The following PPFIA2 variants were observed in gnomAD, a reference collection of about 807,000 sequenced individuals.
PPFIA2 encodes PPFI scaffold protein A2.
In PPFIA2, 46 loss-of-function variants were observed where a neutral mutation model predicts 175.5. The ratio of observed to expected loss-of-function variants is 0.26; its 90% CI spans 0.21 to 0.34. The LOEUF (loss-of-function observed/expected upper bound fraction) is 0.34. PPFIA2 is among the 10% of genes least tolerant of loss of function. PPFIA2 has a pLI of 1.00. For missense variants in PPFIA2, 1,179 were observed against 1,506.1 expected, an observed-to-expected ratio of 0.78 and a Z score of 3.60; for synonymous variants, 568 against 511.4, an observed-to-expected ratio of 1.11 and a Z score of -1.49.
At position 81,330,817 on chromosome 12, in the gene PPFIA2, T is replaced by A. The variant is rs559240995; in HGVS notation, c.2549-4947A>T. Among the ~76,000 whole-genome samples the A allele has an allele frequency of 8.5e-5, 13 of 152,358 alleles. No homozygotes were observed. In the South Asian group the frequency reaches 2.5e-3, roughly 29 times the overall value. On this transcript the variant is annotated intron_variant, in intron 21 of 32. Coordinates refer to ENST00000549396, the MANE Select transcript of PPFIA2 (RefSeq NM_003625.5). Reference sequence around the variant, plus strand: ...TGGTTTGTATTAAAACACATTTGAATTTATAAATTGTTACTTAATTGTTCA... The same window carrying A: ...TGGTTTGTATTAAAACACATTTGAAATTATAAATTGTTACTTAATTGTTCA...
At chr12:81,379,958 T>C (rs2037270678) in intron 9 of PPFIA2, among the ~76,000 whole-genome samples, 1 of 152,220 alleles carries the variant, frequency 6.6e-6, no homozygotes, top group Admixed American at 6.5e-5. Context: ...TTGTTTTTTC[T>C]TATTTCCTAA....
At position 81,727,762 on chromosome 12, in the gene PPFIA2, G is replaced by T. The variant is rs992663650; in HGVS notation, c.249+26211C>A. On this transcript the variant is annotated intron_variant, in intron 3 of 32. Coordinates refer to ENST00000549396, the MANE Select transcript of PPFIA2 (RefSeq NM_003625.5). ...TTTTTTCTTTTTATGAAACTTTCAG[G>T]TGATCCTGATGTAAGAGATTTATAT... Among the ~76,000 whole-genome samples the T allele has an allele frequency of 4.0e-5, 6 of 151,444 alleles. No individual in the cohort carries two copies. The East Asian group carries it at 1.2e-3, about 30-fold the overall frequency.
intron 4 of PPFIA2, among the ~76,000 whole-genome samples, chr12:81,672,430 C>G (rs2071597582): frequency 6.6e-6 from 1 of 151,686 alleles, no homozygotes; most frequent in Non-Finnish European, 1.5e-5. Context: ...TTGCTAAGGA[C>G]CATCAGGAAG....
chr12:81,700,114 G>C (rs2076328633), intron 3 of PPFIA2, among the ~76,000 whole-genome samples: 1 of 151,882 alleles, frequency 6.6e-6, no homozygotes, highest in South Asian at 2.1e-4. Flanking sequence ...CCCCTGAAAT[G>C]GTGGTGTTCT....
chr12:81,662,066 T>C (rs1949960887), intron 4 of PPFIA2, among the ~76,000 whole-genome samples: 1 of 151,704 alleles, frequency 6.6e-6, no homozygotes, highest in African/African-American at 2.4e-5. Context: ...AGAGGGAAAT[T>C]TATAGCACTA....
chr12:81,690,716 C>T (rs935752757), intron 3 of PPFIA2, among the ~76,000 whole-genome samples: 2 of 152,044 alleles, frequency 1.3e-5, no homozygotes, highest in Non-Finnish European at 2.9e-5. Flanking sequence ...TAAAATAACA[C>T]AAATTTATTA....
chr12:81,336,915 G>A (rs2057223399), intron 21 of PPFIA2, among the ~76,000 whole-genome samples: 1 of 152,048 alleles, frequency 6.6e-6, no homozygotes, highest in Admixed American at 6.6e-5. Flanking sequence ...TTTTCCCTAG[G>A]TTCCTCAGAT....
At chr12:81,601,084 A>G in intron 4 of PPFIA2, among the ~76,000 whole-genome samples, 1 of 151,952 alleles carries the variant, frequency 6.6e-6, no homozygotes, top group South Asian at 2.1e-4. Context: ...TCCAGCCAAT[A>G]AGAATACACT....
At chr12:81,263,147 T>G in intron 31 of PPFIA2, 84 bp downstream of exon 31, 5 of 1,328,908 alleles carry the variant, frequency 3.8e-6, no homozygotes, top group Non-Finnish European at 5.1e-6. Flanking sequence ...AGAAAATAAT[T>G]CCAAAAAGCA....
chr12:81,315,246 T>C (rs1362469562), intron 22 of PPFIA2, among the ~76,000 whole-genome samples: 1 of 151,866 alleles, frequency 6.6e-6, no homozygotes, highest in East Asian at 1.9e-4. Flanking sequence ...AATGCTGAAT[T>C]TCACAATGAA....
chr12:81,579,582 A>G (rs140314524), intron 4 of PPFIA2, among the ~76,000 whole-genome samples: 1,812 of 151,956 alleles, frequency 0.012, 42 homozygotes, highest in East Asian at 0.041. Context: ...TTCATGTGAA[A>G]AAAGTAGTTT....
At chr12:81,568,462 G>A (rs1010149936) in intron 4 of PPFIA2, among the ~76,000 whole-genome samples, 2 of 152,132 alleles carry the variant, frequency 1.3e-5, no homozygotes, top group African/African-American at 4.8e-5. Flanking sequence ...TAAGCCCCTA[G>A]CTCTATAGAG....
At chr12:81,362,815 C>A in intron 14 of PPFIA2, 31 bp from the exon 15 acceptor site, 1 of 1,302,996 alleles carries the variant, frequency 7.7e-7, no homozygotes. Flanking sequence ...TACTCAGATG[C>A]CAGTAATATC....
chr12:81,690,056 A>G (rs1342848944), intron 3 of PPFIA2, among the ~76,000 whole-genome samples: 3 of 152,096 alleles, frequency 2.0e-5, no homozygotes, highest in Non-Finnish European at 4.4e-5. Context: ...TCTGGTATGT[A>G]CTGGTTTCAG....
intron 4 of PPFIA2, among the ~76,000 whole-genome samples, chr12:81,579,813 C>T (rs962090167): frequency 1.3e-5 from 2 of 151,752 alleles, no homozygotes; most frequent in Non-Finnish European, 2.9e-5. Flanking sequence ...CACTATTTTC[C>T]AATTTGTGAT....
intron 4 of PPFIA2, among the ~76,000 whole-genome samples, chr12:81,642,587 A>AT (rs2065119733): frequency 1.5e-5 from 2 of 136,150 alleles, no homozygotes; most frequent in Non-Finnish European, 3.1e-5. Flanking sequence ...AAAGTATAAT[A>AT]ATATATGTAA....
chr12:81,550,262 G>T (rs2067691896), intron 4 of PPFIA2, among the ~76,000 whole-genome samples: 1 of 151,932 alleles, frequency 6.6e-6, no homozygotes, highest in African/African-American at 2.4e-5. Context: ...GGGATTAGAG[G>T]TCTAGGGGCT....
chr12:81,741,552 C>A (rs2082324655), intron 3 of PPFIA2, among the ~76,000 whole-genome samples: 1 of 152,004 alleles, frequency 6.6e-6, no homozygotes, highest in Non-Finnish European at 1.5e-5. Context: ...GGCCCACAGG[C>A]CACAAGTGGC....
chr12:81,640,795 A>C (rs372347631), intron 4 of PPFIA2, among the ~76,000 whole-genome samples: 1 of 152,158 alleles, frequency 6.6e-6, no homozygotes, highest in African/African-American at 2.4e-5. Context: ...CATTAAGTAC[A>C]TAGTTATTTA....
Sources: gnomAD v4.1 joint callset for allele counts (sites outside exome capture counted in the v4.1 genomes callset) on GRCh38, gnomAD v4.1.1 for gene constraint, MANE v1.5 for transcripts, NCBI Gene and HGNC (gene_info 2026-07-23, HGNC 2026-07-21) for gene names.